Variants in RXRA observed in about 807,000 individuals in gnomAD.
The protein encoded by RXRA is retinoid X receptor alpha, also known as retinoic acid receptor RXR-alpha.
A neutral mutation model predicts 44.5 loss-of-function variants in RXRA; 5 were observed. The observed-to-expected ratio is 0.11, with a 90% CI of 0.06 to 0.24. The LOEUF (loss-of-function observed/expected upper bound fraction) is 0.24. Ranked by LOEUF, RXRA falls within the 10% of genes least tolerant of loss-of-function variation. The probability of loss-of-function intolerance (pLI) is 1.00; values close to 1 mark genes in which losing one functional copy is unlikely to be tolerated. For synonymous variants in RXRA, 291 were observed against 271.4 expected (o/e 1.07, Z -0.71); for missense variants, 412 against 646.5 (o/e 0.64, Z 3.93).
intron 1 of RXRA, among the ~76,000 whole-genome samples, chr9:134,359,301 G>A (rs939993089): frequency 6.6e-6 from 1 of 152,040 alleles, no homozygotes; most frequent in African/African-American, 2.4e-5. Context: ...TGCTGCTGCC[G>A]CCGGCGGCTC....
intron 1 of RXRA, among the ~76,000 whole-genome samples, chr9:134,361,236 A>T (rs527514801): frequency 6.6e-6 from 1 of 152,234 alleles, no homozygotes; most frequent in East Asian, 1.9e-4. Context: ...CTGGGAGGGA[A>T]CCTGGAGACC....
In RXRA at chr9:134,408,826, C is replaced by T. The variant is rs1015402984; in HGVS notation, c.431-114C>T. The T allele has an allele frequency of 4.1e-6, 4 of 973,784 alleles. No individual in the cohort carries two copies. In the Middle Eastern group the frequency reaches 1.4e-3, roughly 335 times the overall value. The allele number at this position is 973,784 out of a possible 1,614,324, so 60.3% of individuals were successfully genotyped here. A position where few individuals can be genotyped will look rare whatever the true frequency, so the allele number is the denominator to read the frequency against. On this transcript the variant is annotated intron_variant, in intron 3 of 9. Transcript: ENST00000481739. ...GCCCAGGCAGGGGTCTGGAGACCAG[C>T]AGGTCCCTTTCTGAGGCCTGGCCCG...
intron 1 of RXRA, among the ~76,000 whole-genome samples, chr9:134,372,410 G>A (rs1294193049): frequency 1.3e-5 from 2 of 152,178 alleles, no homozygotes; most frequent in African/African-American, 2.4e-5. Flanking sequence ...GGCCGCAGGC[G>A]AGGGTCCCTC....
Position 134,366,241 on chromosome 9 carries a change from A to C in RXRA, c.29-35391A>C, listed in dbSNP as rs1351088132. ...TGGGGCCAGGGAGGGTGTCTTCAGC[A>C]CAGGTGCCCGCTGGGTGGTCTCCCA... is the stretch of plus-strand genomic sequence containing the variant. On this transcript the variant is annotated intron_variant, in intron 1 of 9. Transcript: ENST00000481739. This position sits in a 1 kb window ranked among gnomAD's most constrained non-coding sequence, Gnocchi z 5.9. Among the ~76,000 whole-genome samples, 1 of 152,066 alleles carries C rather than the reference A, an allele frequency of 6.6e-6. No individual in the cohort carries two copies. The highest frequency in any genetic ancestry group is 1.5e-5 in the Non-Finnish European group (1 of 67,984).
intron 1 of RXRA, among the ~76,000 whole-genome samples, chr9:134,347,517 C>T (rs1301335823): frequency 6.6e-6 from 1 of 152,104 alleles, no homozygotes; most frequent in African/African-American, 2.4e-5. Context: ...AGAGCCAGCC[C>T]CTGCTGTGAC....
Position 134,426,385 on chromosome 9 carries a change from G to A in RXRA, c.911-2723G>A, listed in dbSNP as rs1350189646. 4 of 985,450 alleles carry A rather than the reference G, an allele frequency of 4.1e-6. No individual in the cohort carries two copies. The African/African-American group carries it at 5.2e-5, about 13-fold the overall frequency. The allele number at this position is 985,450 out of a possible 1,614,324, so 61.0% of individuals were successfully genotyped here. A position where few individuals can be genotyped will look rare whatever the true frequency, so the allele number is the denominator to read the frequency against. ...CCTCTCCTATTTTTCTCTTACATCC[G>A]AGAAGGAGGAGGGCAGCTTACAAAG... On this transcript the variant is annotated intron_variant, in intron 6 of 9. Coordinates refer to ENST00000481739, the MANE Select transcript of RXRA (RefSeq NM_002957.6). This position sits in a 1 kb window ranked among gnomAD's most constrained non-coding sequence, Gnocchi z 4.6.
intron 6 of RXRA, chr9:134,424,711 C>T: frequency 1.0e-6 from 1 of 985,474 alleles, no homozygotes; most frequent in Non-Finnish European, 1.2e-6. Context: ...CTGCACTGGC[C>T]AGGTGGCTGG....
Position 134,408,371 on chromosome 9 carries a change from C to T in RXRA, c.430+72C>T. 2.7e-6 allele frequency: 4 copies of T among 1,462,560 alleles called. No individual in the cohort carries two copies. In the South Asian group the frequency reaches 5.5e-5, roughly 20 times the overall value. The allele number at this position is 1,462,560 out of a possible 1,614,324, so 90.6% of individuals were successfully genotyped here. The stretch of plus-strand genomic sequence containing the variant: ...GCCATTGCAGGGTCTGGAGGCCTCC[C>T]CAAATCACCCTCCTGTGGGCCAAGC... On this transcript the variant is annotated intron_variant, in intron 3 of 9. Coordinates refer to ENST00000481739, the MANE Select transcript of RXRA (RefSeq NM_002957.6).
intron 1 of RXRA, among the ~76,000 whole-genome samples, chr9:134,353,079 A>G (rs1349299298): frequency 2.0e-5 from 3 of 151,606 alleles, no homozygotes; most frequent in Non-Finnish European, 2.9e-5. Context: ...CCCCAGGTAC[A>G]GGGTCCCCTT....
At chr9:134,429,696 C>G (rs1235429415) in intron 7 of RXRA, among the ~76,000 whole-genome samples, 2 of 152,146 alleles carry the variant, frequency 1.3e-5, no homozygotes, top group East Asian at 3.9e-4. Context: ...TGCTTCACAC[C>G]TCCCAGTGGA....
chr9:134,426,909 G>A lies in RXRA; in HGVS notation c.911-2199G>A. The A allele has an allele frequency of 2.0e-6, 2 of 985,374 alleles. No individual in the cohort carries two copies. Among genetic ancestry groups the A allele is most frequent in the South Asian group, 9.4e-5 (2 of 21,286 alleles). 61.0% of individuals were successfully genotyped at this position (985,374 alleles called of 1,614,324 possible). Reference sequence around the variant, plus strand: ...ACTGGGCCTGGTGTGGGAAGGGAGGGAGAGCCCTTTCCTAGGAGAGCATTT... The same window carrying A: ...ACTGGGCCTGGTGTGGGAAGGGAGGAAGAGCCCTTTCCTAGGAGAGCATTT... On this transcript the variant is annotated intron_variant, in intron 6 of 9. Coordinates refer to ENST00000481739, the MANE Select transcript of RXRA (RefSeq NM_002957.6). This position sits in a 1 kb window ranked among gnomAD's most constrained non-coding sequence, Gnocchi z 4.6.
chr9:134,413,080 G>A (rs1017005669), intron 4 of RXRA, among the ~76,000 whole-genome samples: 2 of 152,126 alleles, frequency 1.3e-5, no homozygotes, highest in African/African-American at 2.4e-5. Context: ...GGCTGGGCTC[G>A]AGTGTGGCCC....
At chr9:134,401,964 T>A in intron 2 of RXRA, 82 bp downstream of exon 2, 8 of 1,157,628 alleles carry the variant, frequency 6.9e-6, no homozygotes, top group Non-Finnish European at 8.4e-6. Flanking sequence ...CCGCCTCATC[T>A]TGAGGCCTCT....
At position 134,365,188 on chromosome 9, in the gene RXRA, C is replaced by T. The variant is rs947365476; in HGVS notation, c.29-36444C>T. 3.9e-5 allele frequency among the ~76,000 whole-genome samples: 6 copies of T among 152,358 alleles called. No individual in the cohort carries two copies. The highest frequency in any genetic ancestry group is 1.2e-4 in the African/African-American group (5 of 41,590). ...TGATGGCACGCTGGGCCCGGGAAAG[C>T]CCCTCGTGGGCCATCTCCCGGAGTT... On this transcript the variant is annotated intron_variant, in intron 1 of 9. Coordinates refer to ENST00000481739, the MANE Select transcript of RXRA (RefSeq NM_002957.6). This position sits in a 1 kb window ranked among gnomAD's most constrained non-coding sequence, Gnocchi z 4.0.
intron 1 of RXRA, among the ~76,000 whole-genome samples, chr9:134,372,393 G>A (rs1443589943): frequency 6.6e-6 from 1 of 152,212 alleles, no homozygotes; most frequent in Non-Finnish European, 1.5e-5. Flanking sequence ...AGATGGTGTG[G>A]AGTGGGGGCC....
At position 134,360,102 on chromosome 9, in the gene RXRA, G is replaced by A. The variant is rs146505828; in HGVS notation, c.28+33443G>A. On this transcript the variant is annotated intron_variant, in intron 1 of 9. Coordinates refer to ENST00000481739, the MANE Select transcript of RXRA (RefSeq NM_002957.6). The stretch of plus-strand genomic sequence containing the variant: ...CAGATGCCACCATGCTTTCGAGGCC[G>A]CTGAGGGGCCCCAGGGCTTTACCTA... Among the ~76,000 whole-genome samples the A allele has an allele frequency of 8.9e-3, 1,356 of 152,300 alleles. 7 individuals carry two copies. The highest frequency in any genetic ancestry group is 0.015 in the Non-Finnish European group (1,004 of 68,000).
intron 4 of RXRA, among the ~76,000 whole-genome samples, chr9:134,413,790 C>T (rs968130828): frequency 6.6e-6 from 1 of 152,142 alleles, no homozygotes; most frequent in African/African-American, 2.4e-5. Flanking sequence ...GCTGCTGCAC[C>T]CTGAGTCCTA....
Position 134,365,511 on chromosome 9 carries a change from C to T in RXRA, c.29-36121C>T, listed in dbSNP as rs1830403301. On this transcript the variant is annotated intron_variant, in intron 1 of 9. Coordinates refer to ENST00000481739, the MANE Select transcript of RXRA (RefSeq NM_002957.6). This position sits in a 1 kb window ranked among gnomAD's most constrained non-coding sequence, Gnocchi z 4.0. ...AGGCCGCTGCCCCTGCCTCCTGTCTCTGGCTGTGGCCATGGCTGTGTGGAC... is the reference window on the plus strand; with the variant it reads ...AGGCCGCTGCCCCTGCCTCCTGTCTTTGGCTGTGGCCATGGCTGTGTGGAC... 6.6e-6 allele frequency among the ~76,000 whole-genome samples: 1 copy of T among 152,092 alleles called. No individual in the cohort carries two copies. The highest frequency in any genetic ancestry group is 1.5e-5 in the Non-Finnish European group (1 of 68,010).
At chr9:134,409,193 C>A in intron 4 of RXRA, 74 bp downstream of exon 4, 1 of 1,382,126 alleles carries the variant, frequency 7.2e-7, no homozygotes, top group Non-Finnish European at 9.7e-7. Flanking sequence ...TGCGTGGACA[C>A]CCGAGATGGA....
Sources: allele counts gnomAD v4.1 joint callset (sites outside exome capture counted in the v4.1 genomes callset), GRCh38; gene constraint gnomAD v4.1.1; non-coding constraint Gnocchi (gnomAD v3.1); transcripts MANE v1.5; gene names NCBI Gene and HGNC (gene_info 2026-07-23, HGNC 2026-07-21).